Variants in POLI observed in about 807,000 individuals in gnomAD.
POLI encodes RAD30 homolog B.
POLI carries 58 observed loss-of-function variants against 51.6 expected under a neutral mutation model. That is an observed-to-expected ratio of 1.12 (90% CI 0.91 to 1.40). The LOEUF (loss-of-function observed/expected upper bound fraction) is 1.40. Ranked by LOEUF, POLI falls within the 40% of genes most tolerant of loss-of-function variation. POLI has a pLI of 0.00. For missense variants in POLI, 921 were observed against 871.3 expected (o/e 1.06, Z -0.72); for synonymous variants, 322 against 299.7 (o/e 1.07, Z -0.77).
intron 8 of POLI, among the ~76,000 whole-genome samples, chr18:54,288,751 G>A (rs2087862172): frequency 6.6e-6 from 1 of 151,646 alleles, no homozygotes; most frequent in African/African-American, 2.4e-5. Context: ...TGATTTGTTG[G>A]TTTTGGTTAC....
Position 54,270,060 on chromosome 18 carries a change from G to A in POLI, c.115+399G>A, listed in dbSNP as rs2086933869. ...GGGACCCGGATCTCAGTCCTGGCAG[G>A]AAGGGATGGCTCAGAACCTAGGCGG... On this transcript the variant is annotated intron_variant, in intron 1 of 9. Transcript: ENST00000579534. 3 of 997,140 alleles carry A rather than the reference G, an allele frequency of 3.0e-6. No individual in the cohort carries two copies. The South Asian group carries it at 1.3e-4, about 45-fold the overall frequency. 61.8% of individuals were successfully genotyped at this position (997,140 alleles called of 1,614,324 possible).
chr18:54,281,490 A>G (rs1196915645), intron 5 of POLI, among the ~76,000 whole-genome samples: 1 of 152,166 alleles, frequency 6.6e-6, no homozygotes, highest in African/African-American at 2.4e-5. Flanking sequence ...AGATGTTATA[A>G]AAGAGTTCTG....
At chr18:54,313,182 C>G (rs1043762264) in intron 3 of POLI, among the ~76,000 whole-genome samples, 6 of 152,158 alleles carry the variant, frequency 3.9e-5, no homozygotes, top group Middle Eastern at 3.4e-3. Context: ...GCCAGTTATC[C>G]CAGCACCATG....
intron 3 of POLI, among the ~76,000 whole-genome samples, chr18:54,307,754 G>C (rs140047149): frequency 3.7e-4 from 56 of 152,292 alleles, no homozygotes; most frequent in African/African-American, 1.1e-3. Flanking sequence ...CTTGCTTTAT[G>C]AATCTGGGTG....
intron 3 of POLI, among the ~76,000 whole-genome samples, chr18:54,314,690 T>G (rs2088709375): frequency 6.6e-6 from 1 of 152,156 alleles, no homozygotes. Context: ...GGTTCAATCT[T>G]GAGATGTTGC....
At chr18:54,293,039 G>A (rs906909840) in intron 9 of POLI, among the ~76,000 whole-genome samples, 9 of 151,850 alleles carry the variant, frequency 5.9e-5, no homozygotes, top group Admixed American at 2.0e-4. Context: ...TGATGTTTAC[G>A]GAGTTATATT....
chr18:54,313,845 T>G (rs2088699666), intron 3 of POLI, among the ~76,000 whole-genome samples: 1 of 152,160 alleles, frequency 6.6e-6, no homozygotes, highest in African/African-American at 2.4e-5. Context: ...TATAGGAACT[T>G]TTTGGCAGAG....
rs1282635446 is a variant in POLI at position 54,296,451 on chromosome 18, G to A, written c.*1984G>A. On this transcript the variant is annotated 3_prime_UTR_variant, in exon 10 of 10. Coordinates refer to ENST00000579534, the MANE Select transcript of POLI (RefSeq NM_007195.3). Reference sequence around the variant, plus strand: ...TAAGATTATCTCTTTTTTCTTTGGTGCTTTGCAGGTTTACTGTATTATTTG... The same window carrying A: ...TAAGATTATCTCTTTTTTCTTTGGTACTTTGCAGGTTTACTGTATTATTTG... 2 of 782,408 alleles carry A rather than the reference G, an allele frequency of 2.6e-6. No homozygotes were observed. Among genetic ancestry groups the A allele is most frequent in the Non-Finnish European group, 3.1e-6 (2 of 645,018 alleles). 48.5% of individuals were successfully genotyped at this position (782,408 alleles called of 1,614,324 possible). A position where few individuals can be genotyped will look rare whatever the true frequency, so the allele number is the denominator to read the frequency against.
intron 3 of POLI, among the ~76,000 whole-genome samples, chr18:54,314,814 T>G (rs1360465661): frequency 6.6e-6 from 1 of 152,138 alleles, no homozygotes; most frequent in Non-Finnish European, 1.5e-5. Context: ...TGTAATGTCA[T>G]CTTTGTTTAT....
At chr18:54,306,646 A>G (rs2088590611) in intron 3 of POLI, among the ~76,000 whole-genome samples, 1 of 152,188 alleles carries the variant, frequency 6.6e-6, no homozygotes, top group Non-Finnish European at 1.5e-5. Flanking sequence ...TTCTGAAGGA[A>G]TGGTACCAGC....
chr18:54,310,027 G>T (rs1008413061), intron 3 of POLI, among the ~76,000 whole-genome samples: 1 of 152,262 alleles, frequency 6.6e-6, no homozygotes, highest in South Asian at 2.1e-4. Flanking sequence ...GAAATTCCCC[G>T]GCCCCTTGTG....
chr18:54,280,653 T>C lies in POLI; in HGVS notation c.560-14T>C. ...TTTTCTTGTGACTTTGAATGACATT[T>C]GTTGTTTTTAAAGCTATAAACCTGC... On this transcript the variant is annotated splice_polypyrimidine_tract_variant and intron_variant, in intron 4 of 9. Transcript: ENST00000579534. The C allele has an allele frequency of 6.5e-7, 1 of 1,528,564 alleles. No homozygotes were observed. The highest frequency in any genetic ancestry group is 2.3e-5 in the East Asian group (1 of 44,400). The allele number at this position is 1,528,564 out of a possible 1,614,324, so 94.7% of individuals were successfully genotyped here.
intron 8 of POLI, among the ~76,000 whole-genome samples, chr18:54,288,409 A>C (rs1428329009): frequency 6.6e-6 from 1 of 152,156 alleles, no homozygotes; most frequent in African/African-American, 2.4e-5. Context: ...GTATACGGTA[A>C]GGGTCTTCAT....
chr18:54,276,117 G>A lies in POLI; in HGVS notation c.407-1586G>A, dbSNP rs951849461. ...ATGGAGGCTGGGCATGGTGGCTTAT[G>A]CCTGTAATCCCAACACTTTGGGAGG... is the stretch of plus-strand genomic sequence containing the variant. On this transcript the variant is annotated intron_variant, in intron 3 of 9. Transcript: ENST00000579534. Among the ~76,000 whole-genome samples, 6 of 151,966 alleles carry A rather than the reference G, an allele frequency of 3.9e-5. No homozygotes were observed. The South Asian group carries it at 1.0e-3, about 26-fold the overall frequency.
rs1568143849 is a variant in POLI, at chr18:54,293,709, C to T, written c.1465C>T (p.Leu489=). The T allele has an allele frequency of 6.3e-7, 1 of 1,598,374 alleles. No individual in the cohort carries two copies. Among genetic ancestry groups the T allele is most frequent in the Non-Finnish European group, 8.5e-7 (1 of 1,174,292 alleles). ...PKDKETNRDF[L]PSGRIESTRT... is the part of the protein sequence containing the mutation. ...AGACAAAGAAACAAACCGGGATTTCCTACCAAGTGGAAGAATTGAAAGTAC... is the reference window on the plus strand; with the variant it reads ...AGACAAAGAAACAAACCGGGATTTCTTACCAAGTGGAAGAATTGAAAGTAC... Residue 489 remains leucine (L), a synonymous_variant, in exon 10 of 10, where the codon CTA becomes TTA. Transcript: ENST00000579534.
intron 3 of POLI, among the ~76,000 whole-genome samples, chr18:54,318,839 AT>A (rs565026649): frequency 7.5e-4 from 108 of 144,762 alleles, no homozygotes; most frequent in East Asian, 4.2e-3. Flanking sequence ...TTCTAAAAAA[AT>A]AAATATAAAT....
Position 54,269,538 on chromosome 18 carries a change from A to G in POLI, c.-9A>G. 2.0e-6 allele frequency: 3 copies of G among 1,507,524 alleles called. No individual in the cohort carries two copies. Among genetic ancestry groups the G allele is most frequent in the Non-Finnish European group, 2.6e-6 (3 of 1,132,338 alleles). 93.4% of individuals were successfully genotyped at this position (1,507,524 alleles called of 1,614,324 possible). On this transcript the variant is annotated 5_prime_UTR_variant, in exon 1 of 10. Transcript: ENST00000579534. ...GGCCGGAAGTAGCGCTGCGGTTGGC[A>G]GCGGCGGGATGGAGAAGCTGGGGGT...
At chr18:54,288,968 T>C (rs2087870494) in intron 8 of POLI, among the ~76,000 whole-genome samples, 1 of 152,182 alleles carries the variant, frequency 6.6e-6, no homozygotes, top group South Asian at 2.1e-4. Context: ...TTAACTGCTT[T>C]TCCTCCCAAA....
intron 3 of POLI, among the ~76,000 whole-genome samples, chr18:54,309,012 T>G (rs2144642493): frequency 6.6e-6 from 1 of 152,326 alleles, no homozygotes; most frequent in Non-Finnish European, 1.5e-5. Context: ...TTAGCTTCCT[T>G]GCAATGGGTT....
Sources: allele counts gnomAD v4.1 joint callset (sites outside exome capture counted in the v4.1 genomes callset), GRCh38; gene constraint gnomAD v4.1.1; transcripts MANE v1.5; gene names NCBI Gene and HGNC (gene_info 2026-07-23, HGNC 2026-07-21).